The following DYNC1I1 variants were observed in gnomAD, a reference collection of about 807,000 sequenced individuals.
The protein encoded by DYNC1I1 is cytoplasmic dynein 1 intermediate chain 1.
DYNC1I1 carries 43 observed loss-of-function variants against 86.6 expected under a neutral mutation model. That is an observed-to-expected ratio of 0.50 (90% CI 0.39 to 0.64). The LOEUF is 0.64. DYNC1I1 is among the 30% of genes least tolerant of loss of function. DYNC1I1 has a pLI of 0.00. For synonymous variants in DYNC1I1, 262 were observed against 283.7 expected, an observed-to-expected ratio of 0.92 and a Z score of 0.77; for missense variants, 604 against 788.8, an observed-to-expected ratio of 0.77 and a Z score of 2.81.
intron 5 of DYNC1I1, among the ~76,000 whole-genome samples, chr7:95,843,454 G>C (rs1194064123): frequency 6.6e-6 from 1 of 152,148 alleles, no homozygotes; most frequent in African/African-American, 2.4e-5. Flanking sequence ...GGCAGTTGTA[G>C]GGCTCCTCTT....
intron 6 of DYNC1I1, among the ~76,000 whole-genome samples, chr7:95,966,197 C>G (rs1480198690): frequency 2.0e-5 from 3 of 152,190 alleles, no homozygotes; most frequent in African/African-American, 7.2e-5. Context: ...GACAGGATGA[C>G]CATAGGTCTG....
intron 6 of DYNC1I1, among the ~76,000 whole-genome samples, chr7:95,898,306 C>T (rs1790941939): frequency 6.6e-6 from 1 of 152,210 alleles, no homozygotes; most frequent in African/African-American, 2.4e-5. Flanking sequence ...AGCCAATTGT[C>T]TCACCATTGA....
intron 14 of DYNC1I1, among the ~76,000 whole-genome samples, chr7:96,046,860 G>C (rs1454496188): frequency 6.6e-6 from 1 of 152,178 alleles, no homozygotes; most frequent in Non-Finnish European, 1.5e-5. Flanking sequence ...GAGTGGGCTT[G>C]GGTTAGAGGT....
At chr7:95,827,377 A>T (rs1474288128) in intron 4 of DYNC1I1, among the ~76,000 whole-genome samples, 1 of 152,206 alleles carries the variant, frequency 6.6e-6, no homozygotes, top group African/African-American at 2.4e-5. Context: ...TTAGAAGGAG[A>T]AATAACAAGG....
chr7:95,797,033 C>T (rs1370988904), intron 1 of DYNC1I1, among the ~76,000 whole-genome samples: 2 of 152,016 alleles, frequency 1.3e-5, no homozygotes, highest in African/African-American at 4.8e-5. Flanking sequence ...AAAAATAACT[C>T]AGCTTCACTT....
chr7:96,022,393 A>G, intron 10 of DYNC1I1, among the ~76,000 whole-genome samples: 1 of 152,122 alleles, frequency 6.6e-6, no homozygotes, highest in East Asian at 1.9e-4. Flanking sequence ...GCTGCTTTTT[A>G]TTTCTTAGTA....
Position 96,097,888 on chromosome 7 carries a change from G to T in DYNC1I1, c.*295G>T. On this transcript the variant is annotated 3_prime_UTR_variant, in exon 17 of 17. Transcript: ENST00000447467. ...ACTTTGTAGCTGTATTTAATAGCTG[G>T]AAACCTCTGGTTAAATTTGTGCTTA... is the stretch of plus-strand genomic sequence containing the variant. The T allele has an allele frequency of 9.1e-7, 1 of 1,096,152 alleles. No homozygotes were observed. 67.9% of individuals were successfully genotyped at this position (1,096,152 alleles called of 1,614,324 possible). A position where few individuals can be genotyped will look rare whatever the true frequency, so the allele number is the denominator to read the frequency against.
chr7:95,942,891 C>A (rs200679903), intron 6 of DYNC1I1, among the ~76,000 whole-genome samples: 1 of 146,104 alleles, frequency 6.8e-6, no homozygotes, highest in African/African-American at 2.5e-5. Flanking sequence ...TAAGAGCTAT[C>A]TATGACAAAC....
At chr7:96,108,306 A>G (rs1791251718) in intron 16 of DYNC1I1, among the ~76,000 whole-genome samples, 1 of 152,138 alleles carries the variant, frequency 6.6e-6, no homozygotes, top group Admixed American at 6.5e-5. Context: ...TCCCCTTTTT[A>G]TAACGTTGAG....
chr7:95,936,956 T>TCTCTCTCACACACACACACA (rs750834189), intron 6 of DYNC1I1, among the ~76,000 whole-genome samples: 6 of 134,190 alleles, frequency 4.5e-5, no homozygotes, highest in Admixed American at 2.3e-4. Flanking sequence ...AGAATATGTC[T>TCTCTCTCACACACACACACA]CACACACACA....
At chr7:95,958,608 A>G (rs988530248) in intron 6 of DYNC1I1, among the ~76,000 whole-genome samples, 1 of 152,226 alleles carries the variant, frequency 6.6e-6, no homozygotes, top group Admixed American at 6.5e-5. Context: ...TGTTGTAACC[A>G]AAAAGTATGT....
At chr7:96,039,904 T>G (rs1788983356) in intron 14 of DYNC1I1, among the ~76,000 whole-genome samples, 2 of 152,086 alleles carry the variant, frequency 1.3e-5, no homozygotes, top group Non-Finnish European at 2.9e-5. Flanking sequence ...CTATTGGAAG[T>G]TTTTAAGCTG....
chr7:96,107,033 C>CT (rs374213729), intron 16 of DYNC1I1, among the ~76,000 whole-genome samples: 14,326 of 145,706 alleles, frequency 0.098, 820 homozygotes, highest in Non-Finnish European at 0.13. Flanking sequence ...TTCATTCATA[C>CT]TTTTTTTTTT....
At chr7:95,811,812 T>C (rs1417274844) in intron 3 of DYNC1I1, among the ~76,000 whole-genome samples, 7 of 152,184 alleles carry the variant, frequency 4.6e-5, no homozygotes, top group African/African-American at 1.7e-4. Flanking sequence ...ACATCTGATA[T>C]GAGTTAGACA....
chr7:96,074,909 AAG>A (rs1331272465), intron 14 of DYNC1I1, among the ~76,000 whole-genome samples: 1 of 152,204 alleles, frequency 6.6e-6, no homozygotes, highest in Non-Finnish European at 1.5e-5. Flanking sequence ...GGAACCCATG[AAG>A]AGAGTACAGA....
chr7:95,821,786 G>A (rs1795081663), intron 4 of DYNC1I1, among the ~76,000 whole-genome samples: 1 of 152,036 alleles, frequency 6.6e-6, no homozygotes, highest in Non-Finnish European at 1.5e-5. Flanking sequence ...TTATGTTCCT[G>A]CCATATATTG....
At chr7:95,790,114 C>G (rs1794255171) in intron 1 of DYNC1I1, among the ~76,000 whole-genome samples, 1 of 152,158 alleles carries the variant, frequency 6.6e-6, no homozygotes, top group South Asian at 2.1e-4. Context: ...CTTCTGCGTA[C>G]AGAGAAGTTC....
chr7:96,030,813 T>C (rs1213191559), intron 11 of DYNC1I1, among the ~76,000 whole-genome samples: 1 of 152,138 alleles, frequency 6.6e-6, no homozygotes, highest in Non-Finnish European at 1.5e-5. Flanking sequence ...CCGGGCTTGA[T>C]AATACACTGC....
chr7:95,780,025 A>G (rs1047170175), intron 1 of DYNC1I1, among the ~76,000 whole-genome samples: 4 of 152,104 alleles, frequency 2.6e-5, no homozygotes, highest in African/African-American at 9.7e-5. Context: ...TGAACCCCTT[A>G]GGCTAATCCT....
Sources: allele counts gnomAD v4.1 joint callset (sites outside exome capture counted in the v4.1 genomes callset), GRCh38; gene constraint gnomAD v4.1.1; transcripts MANE v1.5; gene names NCBI Gene and HGNC (gene_info 2026-07-23, HGNC 2026-07-21).